Variants in DLG2 observed in about 807,000 individuals in gnomAD.
DLG2 encodes disks large homolog 2.
Under a neutral mutation model 132.5 loss-of-function variants are expected in DLG2, and 45 were observed. That is an observed-to-expected ratio of 0.34 (90% CI 0.27 to 0.44). DLG2 has a LOEUF of 0.44. Among genes scored for constraint, DLG2 ranks in the 20% least tolerant of loss-of-function variants. The probability of loss-of-function intolerance (pLI) is 1.00; values close to 1 mark genes in which losing one functional copy is unlikely to be tolerated. For missense variants in DLG2, 1,045 were observed against 1,196.9 expected (o/e 0.87, Z 1.87); for synonymous variants, 424 against 419.6 (o/e 1.01, Z -0.13).
chr11:83,541,059 T>C (rs562090143), intron 20 of DLG2, among the ~76,000 whole-genome samples: 1 of 152,100 alleles, frequency 6.6e-6, no homozygotes, highest in East Asian at 1.9e-4. Context: ...AGGAAACACT[T>C]ACACAGAACT....
chr11:83,538,554 CAA>C (rs1252342763), intron 20 of DLG2, among the ~76,000 whole-genome samples: 20 of 152,168 alleles, frequency 1.3e-4, no homozygotes, highest in African/African-American at 4.8e-4. Flanking sequence ...GCTTTGCTAT[CAA>C]AGAGACTGGT....
intron 7 of DLG2, among the ~76,000 whole-genome samples, chr11:84,419,715 AC>A (rs145700711): frequency 1.3e-3 from 193 of 152,278 alleles, no homozygotes; most frequent in African/African-American, 4.5e-3. Flanking sequence ...TAGTGCGAGT[AC>A]CATCTCAAGT....
chr11:84,546,007 C>G (rs905774334), intron 6 of DLG2, among the ~76,000 whole-genome samples: 1 of 152,090 alleles, frequency 6.6e-6, no homozygotes, highest in Admixed American at 6.6e-5. Context: ...CCATCCGCCT[C>G]GGCCTCCCGA....
intron 3 of DLG2, among the ~76,000 whole-genome samples, chr11:85,480,163 T>C (rs558351772): frequency 6.6e-6 from 1 of 152,342 alleles, no homozygotes; most frequent in Admixed American, 6.5e-5. Flanking sequence ...ACTTTGCTGA[T>C]GGAAGTATAA....
intron 24 of DLG2, among the ~76,000 whole-genome samples, chr11:83,470,119 A>G (rs145441628): frequency 2.6e-5 from 4 of 151,950 alleles, no homozygotes; most frequent in African/African-American, 9.7e-5. Flanking sequence ...TTTATCCTTA[A>G]AGATATTCAT....
intron 7 of DLG2, among the ~76,000 whole-genome samples, chr11:84,533,484 T>C (rs1301446943): frequency 6.6e-6 from 1 of 152,196 alleles, no homozygotes; most frequent in Non-Finnish European, 1.5e-5. Flanking sequence ...TGGAATTTGA[T>C]AATTGGTCTA....
rs12789551 is a variant in DLG2, at chr11:84,660,177, C to T, written c.358-125446G>A. On this transcript the variant is annotated intron_variant, in intron 6 of 27. Transcript: ENST00000376104. Reference sequence around the variant, plus strand: ...CCCCATTAAAAATCACAGTGTTAGACGATCCAATGGCAAAAACCCCAGGCA... The same window carrying T: ...CCCCATTAAAAATCACAGTGTTAGATGATCCAATGGCAAAAACCCCAGGCA... Among the ~76,000 whole-genome samples, 1,127 of 152,106 alleles carry T rather than the reference C, an allele frequency of 7.4e-3. 12 individuals carry two copies. The highest frequency in any genetic ancestry group is 0.013 in the Non-Finnish European group (903 of 67,974).
chr11:85,573,563 C>CA (rs1460840201), intron 3 of DLG2, among the ~76,000 whole-genome samples: 4 of 152,088 alleles, frequency 2.6e-5, no homozygotes, highest in Non-Finnish European at 5.9e-5. Context: ...GTGCCAGTAT[C>CA]ACACTCTTTC....
intron 8 of DLG2, chr11:84,166,906 G>A (rs151008220): frequency 1.7e-4 from 93 of 532,718 alleles, no homozygotes; most frequent in Middle Eastern, 1.3e-3. Flanking sequence ...GAGTTCGGCC[G>A]AATACATTTT....
chr11:84,935,302 C>G (rs567800398), intron 6 of DLG2, among the ~76,000 whole-genome samples: 1 of 152,286 alleles, frequency 6.6e-6, no homozygotes, highest in South Asian at 2.1e-4. Context: ...TGAAAGAGAT[C>G]TTTTCTAGAC....
At position 85,312,627 on chromosome 11, in the gene DLG2, C is replaced by T. The variant is rs148122327; in HGVS notation, c.41-27262G>A. Among the ~76,000 whole-genome samples the T allele has an allele frequency of 1.0e-3, 158 of 151,894 alleles. 1 individual carries two copies. Among genetic ancestry groups the T allele is most frequent in the African/African-American group, 3.4e-3 (141 of 41,500 alleles). The stretch of plus-strand genomic sequence containing the variant: ...TTGACTCTGATAAACAAAATTCTGA[C>T]CAGAGAAAATTCAAGGCAGATTTGT... On this transcript the variant is annotated intron_variant, in intron 3 of 27. Coordinates refer to ENST00000376104, the MANE Select transcript of DLG2 (RefSeq NM_001142699.3).
chr11:83,651,970 C>A (rs2070652858), intron 18 of DLG2: 1 of 446,058 alleles, frequency 2.2e-6, no homozygotes, highest in Non-Finnish European at 4.7e-6. Flanking sequence ...GAAATCTACA[C>A]ACTTAAATTC....
intron 18 of DLG2, among the ~76,000 whole-genome samples, chr11:83,764,509 G>A (rs1469580449): frequency 6.6e-6 from 1 of 152,216 alleles, no homozygotes; most frequent in Non-Finnish European, 1.5e-5. Flanking sequence ...CTGTGGTGGT[G>A]AGGTTGGATG....
intron 6 of DLG2, among the ~76,000 whole-genome samples, chr11:84,709,779 C>A (rs1222393811): frequency 6.6e-6 from 1 of 151,882 alleles, no homozygotes; most frequent in Non-Finnish European, 1.5e-5. Context: ...ACCTTCAATG[C>A]CCCACTACTA....
chr11:85,092,684 C>G (rs902759882), intron 6 of DLG2, among the ~76,000 whole-genome samples: 7 of 151,110 alleles, frequency 4.6e-5, no homozygotes, highest in African/African-American at 1.7e-4. Context: ...ACTCTGTTGC[C>G]CAGGCTGGAG....
chr11:85,532,620 G>T (rs2153193457), intron 3 of DLG2, among the ~76,000 whole-genome samples: 1 of 152,340 alleles, frequency 6.6e-6, no homozygotes, highest in Middle Eastern at 3.4e-3. Flanking sequence ...TTCCAGTGCA[G>T]TAATATTTGG....
intron 3 of DLG2, among the ~76,000 whole-genome samples, chr11:85,475,937 C>G (rs992524481): frequency 2.6e-5 from 4 of 152,020 alleles, no homozygotes; most frequent in Non-Finnish European, 5.9e-5. Context: ...TACGAATAGA[C>G]GTAATATCCA....
At chr11:84,363,389 C>A (rs1434633485) in intron 7 of DLG2, among the ~76,000 whole-genome samples, 1 of 151,818 alleles carries the variant, frequency 6.6e-6, no homozygotes, top group East Asian at 1.9e-4. Flanking sequence ...TGTTTGAGTT[C>A]ATTGTAGATT....
chr11:84,825,558 T>A (rs2153987014), intron 6 of DLG2, among the ~76,000 whole-genome samples: 1 of 152,048 alleles, frequency 6.6e-6, no homozygotes, highest in Non-Finnish European at 1.5e-5. Context: ...CGCTGGTGTT[T>A]ATATTGCTAT....
Sources: allele counts gnomAD v4.1 joint callset (sites outside exome capture counted in the v4.1 genomes callset), GRCh38; gene constraint gnomAD v4.1.1; transcripts MANE v1.5; gene names NCBI Gene and HGNC (gene_info 2026-07-23, HGNC 2026-07-21).